Variants in HECTD2 observed in about 807,000 individuals in gnomAD.
HECTD2 encodes HECT domain E3 ubiquitin protein ligase 2.
HECTD2 carries 35 observed loss-of-function variants against 103.2 expected under a neutral mutation model. The ratio of observed to expected loss-of-function variants is 0.34; its 90% confidence interval spans 0.26 to 0.45. The LOEUF (loss-of-function observed/expected upper bound fraction) is 0.45, where lower values mean the gene tolerates loss of function less well. Ranked by LOEUF, HECTD2 falls within the 20% of genes least tolerant of loss-of-function variation. HECTD2 has a pLI of 1.00. For missense variants in HECTD2, 596 were observed against 937.4 expected, an observed-to-expected ratio of 0.64 and a Z score of 4.76; for synonymous variants, 281 against 329.9, an observed-to-expected ratio of 0.85 and a Z score of 1.61.
At chr10:91,455,038 A>C (rs1589501404) in intron 2 of HECTD2, among the ~76,000 whole-genome samples, 2 of 152,192 alleles carry the variant, frequency 1.3e-5, no homozygotes, top group African/African-American at 2.4e-5. Context: ...ATACGTGTGC[A>C]TGTGTCTTTA....
At position 91,508,336 on chromosome 10, in the gene HECTD2, A is replaced by G. The variant is rs1847277910; in HGVS notation, c.2211-3928A>G. 6.1e-5 allele frequency among the ~76,000 whole-genome samples: 9 copies of G among 147,386 alleles called. 1 individual carries two copies. In the South Asian group the frequency reaches 2.0e-3, roughly 32 times the overall value. On this transcript the variant is annotated intron_variant, in intron 20 of 20. Coordinates refer to ENST00000298068, the MANE Select transcript of HECTD2 (RefSeq NM_182765.6). Reference sequence around the variant, plus strand: ...AAACTACCATCAGAGTGAACAGGCAACCTACAAAATGGGAGAAAATTTTCA... The same window carrying G: ...AAACTACCATCAGAGTGAACAGGCAGCCTACAAAATGGGAGAAAATTTTCA...
intron 2 of HECTD2, among the ~76,000 whole-genome samples, chr10:91,459,046 G>A (rs1465916148): frequency 1.3e-5 from 2 of 151,904 alleles, no homozygotes; most frequent in African/African-American, 4.8e-5. Context: ...AAGTAATCCA[G>A]TCAGAACACA....
chr10:91,455,138 T>C (rs1431570222), intron 2 of HECTD2, among the ~76,000 whole-genome samples: 1 of 152,190 alleles, frequency 6.6e-6, no homozygotes, highest in East Asian at 1.9e-4. Flanking sequence ...CCTTGAGGAA[T>C]CGCCACACTG....
intron 2 of HECTD2, among the ~76,000 whole-genome samples, chr10:91,457,443 A>T (rs944471740): frequency 6.6e-6 from 1 of 151,966 alleles, no homozygotes; most frequent in Non-Finnish European, 1.5e-5. Flanking sequence ...AAAATTCAGC[A>T]ATATGTAAAA....
chr10:91,482,507 G>A (rs908830971), intron 7 of HECTD2, among the ~76,000 whole-genome samples: 5 of 151,834 alleles, frequency 3.3e-5, no homozygotes, highest in African/African-American at 1.2e-4. Flanking sequence ...CTTTTACTTC[G>A]TTTTTCTAGC....
At chr10:91,435,071 A>G (rs762361924) in intron 2 of HECTD2, among the ~76,000 whole-genome samples, 3 of 151,978 alleles carry the variant, frequency 2.0e-5, no homozygotes, top group Non-Finnish European at 2.9e-5. Context: ...TTATACATGC[A>G]GAAGACTATA....
In HECTD2 at chr10:91,412,633, A is replaced by G. The variant is rs545464451; in HGVS notation, c.138+2057A>G. Among the ~76,000 whole-genome samples the G allele has an allele frequency of 2.2e-3, 335 of 149,858 alleles. 4 individuals carry two copies. The highest frequency in any genetic ancestry group is 7.9e-3 in the African/African-American group (319 of 40,314). ...GTACCATTGATTATTTATTTTTTAA[A>G]AAAAAAAACAATTTATGACAGGATC... On this transcript the variant is annotated intron_variant, in intron 1 of 20. Transcript: ENST00000298068.
intron 5 of HECTD2, among the ~76,000 whole-genome samples, chr10:91,473,298 G>A (rs974076101): frequency 9.2e-5 from 14 of 152,106 alleles, no homozygotes; most frequent in Non-Finnish European, 2.1e-4. Context: ...CCAAAAACCT[G>A]AAGTAATATT....
chr10:91,506,357 C>G (rs796159411), intron 20 of HECTD2, among the ~76,000 whole-genome samples: 1 of 144,410 alleles, frequency 6.9e-6, no homozygotes, highest in Non-Finnish European at 1.5e-5. Flanking sequence ...AAAGGATCAA[C>G]AAAATTGATA....
At chr10:91,511,481 T>G (rs1360794225) in intron 20 of HECTD2, among the ~76,000 whole-genome samples, 1 of 152,204 alleles carries the variant, frequency 6.6e-6, no homozygotes, top group Non-Finnish European at 1.5e-5. Context: ...TTTAATCTTT[T>G]TAACCATCAG....
At chr10:91,459,827 T>C (rs1296209250) in intron 2 of HECTD2, among the ~76,000 whole-genome samples, 2 of 152,246 alleles carry the variant, frequency 1.3e-5, no homozygotes, top group East Asian at 1.9e-4. Context: ...ATGCTTATCA[T>C]TGTATTACAG....
At chr10:91,422,206 A>G (rs189993824) in intron 1 of HECTD2, among the ~76,000 whole-genome samples, 34 of 152,124 alleles carry the variant, frequency 2.2e-4, no homozygotes, top group South Asian at 2.1e-3. Context: ...GCCACTACCT[A>G]CCTTCCCAGT....
At chr10:91,486,790 A>T (rs1316754619) in intron 10 of HECTD2, 2 of 152,110 alleles carry the variant, frequency 1.3e-5, no homozygotes, top group African/African-American at 4.8e-5. Flanking sequence ...AGTACTGAAG[A>T]ACTCTCAACT....
intron 8 of HECTD2, chr10:91,484,130 G>A: frequency 3.9e-6 from 2 of 514,230 alleles, no homozygotes; most frequent in Non-Finnish European, 6.8e-6. Context: ...AAATGTGCAT[G>A]TCAGGAGACT....
intron 2 of HECTD2, among the ~76,000 whole-genome samples, chr10:91,451,024 A>C (rs924713973): frequency 6.6e-6 from 1 of 150,660 alleles, no homozygotes; most frequent in Non-Finnish European, 1.5e-5. Flanking sequence ...TTATCCTTTT[A>C]CCACCCAAAG....
intron 1 of HECTD2, among the ~76,000 whole-genome samples, chr10:91,416,507 A>G (rs1197865611): frequency 6.6e-6 from 1 of 152,206 alleles, no homozygotes. Context: ...AGGTGTGTGT[A>G]TCATGTGAGC....
upstream of HECTD2, chr10:91,410,226 TGGGGAGCC>T (rs1163296833): frequency 6.6e-6 from 1 of 151,324 alleles, no homozygotes; most frequent in Non-Finnish European, 1.5e-5. Context: ...GTGGGACCTG[TGGGGAGCC>T]GCGTCCGCGG....
intron 1 of HECTD2, among the ~76,000 whole-genome samples, chr10:91,413,271 A>G (rs1043212654): frequency 1.1e-4 from 16 of 152,300 alleles, no homozygotes; most frequent in African/African-American, 1.9e-4. Flanking sequence ...GGTGGGAGAA[A>G]GAATGCTGGA....
At chr10:91,510,958 G>A (rs750513625) in intron 20 of HECTD2, among the ~76,000 whole-genome samples, 3 of 152,106 alleles carry the variant, frequency 2.0e-5, no homozygotes, top group Non-Finnish European at 2.9e-5. Context: ...CCAGTAAAAT[G>A]AGAACAACCA....
Sources: gnomAD v4.1 joint callset for allele counts (sites outside exome capture counted in the v4.1 genomes callset) on GRCh38, gnomAD v4.1.1 for gene constraint, MANE v1.5 for transcripts, NCBI Gene and HGNC (gene_info 2026-07-23, HGNC 2026-07-21) for gene names.